CDH13: variants seen among roughly 807,000 people sequenced by gnomAD.
CDH13 encodes the protein cadherin 13.
In CDH13, 24 loss-of-function variants were observed where a neutral mutation model predicts 63.8. The observed-to-expected ratio is 0.38, with a 90% CI of 0.27 to 0.53. The LOEUF (loss-of-function observed/expected upper bound fraction) is 0.53, where lower values mean the gene tolerates loss of function less well. Ranked by LOEUF, CDH13 falls within the 20% of genes least tolerant of loss-of-function variation. The probability of loss-of-function intolerance (pLI) is 0.85; values close to 1 mark genes in which losing one functional copy is unlikely to be tolerated. For synonymous variants in CDH13, 503 were observed against 355.3 expected (o/e 1.42, Z -4.67); for missense variants, 1,049 against 903.1 (o/e 1.16, Z -2.07).
chr16:83,253,923 A>C (rs1175056449), intron 5 of CDH13, among the ~76,000 whole-genome samples: 1 of 152,182 alleles, frequency 6.6e-6, no homozygotes, highest in African/African-American at 2.4e-5. Flanking sequence ...GTGCAGATGT[A>C]ATGGGATTTA....
intron 3 of CDH13, among the ~76,000 whole-genome samples, chr16:83,124,510 TA>T (rs1213669179): frequency 1.3e-5 from 2 of 151,770 alleles, no homozygotes; most frequent in African/African-American, 2.4e-5. Flanking sequence ...TAAGTTTAAT[TA>T]AATTTGAATT....
At chr16:82,703,446 A>C (rs1357009430) in intron 1 of CDH13, among the ~76,000 whole-genome samples, 3 of 152,156 alleles carry the variant, frequency 2.0e-5, no homozygotes, top group Non-Finnish European at 2.9e-5. Context: ...GGATGAATAC[A>C]GATGGAGGAT....
At chr16:82,796,708 G>C (rs1200616648) in intron 1 of CDH13, among the ~76,000 whole-genome samples, 1 of 152,232 alleles carries the variant, frequency 6.6e-6, no homozygotes, top group African/African-American at 2.4e-5. Context: ...ACCCAAGATG[G>C]ATTCTTGGAG....
chr16:83,678,576 T>C (rs1915153512), intron 10 of CDH13, 115 bp downstream of exon 10: 4 of 1,290,698 alleles, frequency 3.1e-6, no homozygotes, highest in Non-Finnish European at 4.3e-6. Context: ...TTGTTAACAA[T>C]CTCAGCAAGT....
rs530840530 is a variant in CDH13, at chr16:82,932,086, A to G, written c.157+73613A>G. 4.5e-4 allele frequency among the ~76,000 whole-genome samples: 69 copies of G among 152,232 alleles called. 1 individual carries two copies. Among genetic ancestry groups the G allele is most frequent in the African/African-American group, 1.6e-3 (67 of 41,546 alleles). On this transcript the variant is annotated intron_variant, in intron 2 of 13. Transcript: ENST00000567109. The stretch of plus-strand genomic sequence containing the variant: ...GAAGAATGTGGCTTCTTTGCTTAGG[A>G]CAGTTGTGGATTTACTGGCTGAAGG...
intron 13 of CDH13, among the ~76,000 whole-genome samples, chr16:83,794,170 C>T (rs962926115): frequency 6.6e-6 from 1 of 152,158 alleles, no homozygotes; most frequent in Non-Finnish European, 1.5e-5. Context: ...GCTCAGTCTT[C>T]TGACTTCCAG....
At chr16:83,286,610 G>C in intron 5 of CDH13, among the ~76,000 whole-genome samples, 1 of 151,930 alleles carries the variant, frequency 6.6e-6, no homozygotes, top group East Asian at 1.9e-4. Context: ...TAAAAAATTA[G>C]CCAGGCATGG....
chr16:83,201,548 G>C (rs2039029217), intron 4 of CDH13, among the ~76,000 whole-genome samples: 1 of 152,078 alleles, frequency 6.6e-6, no homozygotes, highest in Non-Finnish European at 1.5e-5. Flanking sequence ...CTGGGAAAGG[G>C]GGCTGGGATA....
chr16:83,245,634 T>C (rs1408948802), intron 5 of CDH13, among the ~76,000 whole-genome samples: 1 of 152,252 alleles, frequency 6.6e-6, no homozygotes, highest in African/African-American at 2.4e-5. Flanking sequence ...TGTTTCTCAA[T>C]GCAGTAGACT....
intron 1 of CDH13, chr16:82,825,559 C>T (rs1393973987): frequency 2.1e-5 from 3 of 144,224 alleles, no homozygotes; most frequent in Non-Finnish European, 3.0e-5. Context: ...TTTTTTTTTC[C>T]CAAACAGAGT....
At chr16:83,633,791 G>C (rs1334636370) in intron 8 of CDH13, among the ~76,000 whole-genome samples, 2 of 152,070 alleles carry the variant, frequency 1.3e-5, no homozygotes, top group Non-Finnish European at 2.9e-5. Flanking sequence ...CAGTCTGTGG[G>C]AGCCCAAGTG....
intron 6 of CDH13, among the ~76,000 whole-genome samples, chr16:83,412,168 T>C (rs781695059): frequency 2.6e-5 from 4 of 152,216 alleles, no homozygotes; most frequent in Non-Finnish European, 4.4e-5. Flanking sequence ...ACATTGTAAA[T>C]GTGTCTACAA....
intron 4 of CDH13, among the ~76,000 whole-genome samples, chr16:83,147,580 C>T (rs2036804457): frequency 6.6e-6 from 1 of 152,176 alleles, no homozygotes; most frequent in African/African-American, 2.4e-5. Context: ...TCCCAACATC[C>T]CTCAGGAACA....
At chr16:83,275,189 T>C (rs1288047450) in intron 5 of CDH13, among the ~76,000 whole-genome samples, 1 of 152,252 alleles carries the variant, frequency 6.6e-6, no homozygotes, top group Non-Finnish European at 1.5e-5. Flanking sequence ...GCATTTATGA[T>C]GTTCAAGGCC....
At chr16:83,019,830 A>C (rs1257296862) in intron 2 of CDH13, among the ~76,000 whole-genome samples, 1 of 138,928 alleles carries the variant, frequency 7.2e-6, no homozygotes, top group Non-Finnish European at 1.5e-5. Flanking sequence ...AAGGAGGAGT[A>C]CACTCTAAAA....
intron 5 of CDH13, among the ~76,000 whole-genome samples, chr16:83,341,164 A>T (rs1034759547): frequency 1.4e-4 from 22 of 152,236 alleles, no homozygotes; most frequent in Admixed American, 1.2e-3. Flanking sequence ...ACCCAAACAC[A>T]GCCACTTGAA....
chr16:83,265,161 C>G (rs970135060), intron 5 of CDH13, among the ~76,000 whole-genome samples: 3 of 152,054 alleles, frequency 2.0e-5, no homozygotes, highest in Non-Finnish European at 4.4e-5. Flanking sequence ...ATTTGTTTTT[C>G]TTGGAATTCT....
intron 4 of CDH13, among the ~76,000 whole-genome samples, chr16:83,137,818 G>T (rs2036359917): frequency 6.6e-6 from 1 of 152,046 alleles, no homozygotes; most frequent in African/African-American, 2.4e-5. Context: ...GAGGATTGAA[G>T]TAGAACTGGA....
chr16:83,230,954 C>T lies in CDH13; in HGVS notation c.636+13457C>T, dbSNP rs115182545. On this transcript the variant is annotated intron_variant, in intron 5 of 13. Coordinates refer to ENST00000567109, the MANE Select transcript of CDH13 (RefSeq NM_001257.5). ...TGTGAACCAAGCATATGCCGGGAGA[C>T]ATCCTCGAAATACCATTTCCATTCA... Among the ~76,000 whole-genome samples, 707 of 152,310 alleles carry T rather than the reference C, an allele frequency of 4.6e-3. 2 individuals carry two copies. The highest frequency in any genetic ancestry group is 0.017 in the African/African-American group (687 of 41,556).
Sources: allele counts gnomAD v4.1 joint callset (sites outside exome capture counted in the v4.1 genomes callset), GRCh38; gene constraint gnomAD v4.1.1; transcripts MANE v1.5; gene names NCBI Gene and HGNC (gene_info 2026-07-23, HGNC 2026-07-21).